Variants in REEP3 observed in about 807,000 individuals in gnomAD.
The protein encoded by REEP3 is receptor accessory protein 3, also known as receptor expression-enhancing protein 3.
Under a neutral mutation model 41.3 loss-of-function variants are expected in REEP3, and 20 were observed. That is an observed-to-expected ratio of 0.48 (90% CI 0.34 to 0.70). The LOEUF is 0.70. Among genes scored for constraint, REEP3 ranks in the 30% least tolerant of loss-of-function variants. The probability of loss-of-function intolerance (pLI) is 0.01; values close to 1 mark genes in which losing one functional copy is unlikely to be tolerated. For missense variants in REEP3, 271 were observed against 308.8 expected (o/e 0.88, Z 0.92); for synonymous variants, 104 against 101.8 (o/e 1.02, Z -0.13).
intron 1 of REEP3, among the ~76,000 whole-genome samples, chr10:63,553,257 G>T (rs1955646492): frequency 6.6e-6 from 1 of 152,124 alleles, no homozygotes; most frequent in Non-Finnish European, 1.5e-5. Context: ...GATGCTGGAG[G>T]TATTAGAGTG....
intron 2 of REEP3, among the ~76,000 whole-genome samples, chr10:63,578,009 A>C (rs547521683): frequency 6.6e-6 from 1 of 152,184 alleles, no homozygotes; most frequent in Admixed American, 6.5e-5. Flanking sequence ...TATTCAGTTT[A>C]CCATCTTTAC....
chr10:63,557,583 G>C (rs1955701130), intron 1 of REEP3, among the ~76,000 whole-genome samples: 1 of 152,128 alleles, frequency 6.6e-6, no homozygotes, highest in African/African-American at 2.4e-5. Context: ...AGGTGATTTT[G>C]ACGTGTTGCA....
At chr10:63,593,459 T>A (rs1477793648) in intron 2 of REEP3, among the ~76,000 whole-genome samples, 1 of 152,236 alleles carries the variant, frequency 6.6e-6, no homozygotes, top group Non-Finnish European at 1.5e-5. Flanking sequence ...CACTGTTTTC[T>A]TATCGATGAT....
chr10:63,562,874 A>G lies in REEP3; in HGVS notation c.33-3464A>G, dbSNP rs144611148. ...AATTCTGTCTCCCCAAACTTCATATATTGAAGTCCTAACCCCCTGCGCATC... is the reference window on the plus strand; with the variant it reads ...AATTCTGTCTCCCCAAACTTCATATGTTGAAGTCCTAACCCCCTGCGCATC... On this transcript the variant is annotated intron_variant, in intron 1 of 7. Coordinates refer to ENST00000373758, the MANE Select transcript of REEP3 (RefSeq NM_001001330.3). 1.3e-3 allele frequency: 569 copies of G among 454,176 alleles called. 6 individuals are homozygous for G. Among genetic ancestry groups the G allele is most frequent in the Non-Finnish European group, 1.7e-3 (382 of 225,722 alleles). The allele number at this position is 454,176 out of a possible 1,614,324, so 28.1% of individuals were successfully genotyped here. A position where few individuals can be genotyped will look rare whatever the true frequency, so the allele number is the denominator to read the frequency against.
rs1375827747 is a variant in REEP3 at position 63,621,947 on chromosome 10, T to C, written c.*1078T>C. ...TCTTCTGGCTGAGATAATTTGCCAA[T>C]GCAAAATACAGTTGTCATTAATCCT... On this transcript the variant is annotated 3_prime_UTR_variant, in exon 8 of 8. Transcript: ENST00000373758. 1 of 152,246 alleles carries C rather than the reference T, an allele frequency of 6.6e-6. No individual in the cohort carries two copies. Among genetic ancestry groups the C allele is most frequent in the Non-Finnish European group, 1.5e-5 (1 of 68,038 alleles). The allele number at this position is 152,246 out of a possible 1,614,324, so 9.4% of individuals were successfully genotyped here.
At chr10:63,609,068 T>C (rs1956255235) in intron 5 of REEP3, among the ~76,000 whole-genome samples, 1 of 152,230 alleles carries the variant, frequency 6.6e-6, no homozygotes, top group African/African-American at 2.4e-5. Flanking sequence ...ATTCTTTGGC[T>C]CTTACATGTT....
In REEP3 at chr10:63,622,532, A is replaced by C. The variant is rs536774515; in HGVS notation, c.*1663A>C. 2 of 152,104 alleles carry C rather than the reference A, an allele frequency of 1.3e-5. No homozygotes were observed. The highest frequency in any genetic ancestry group is 1.3e-4 in the Admixed American group (2 of 15,266). 9.4% of individuals were successfully genotyped at this position (152,104 alleles called of 1,614,324 possible). On this transcript the variant is annotated 3_prime_UTR_variant, in exon 8 of 8. Transcript: ENST00000373758. ...CTATTCCAAATTTCTATGAATTCTA[A>C]TTGTAAATTATCGGAACAGAGTTTT...
intron 7 of REEP3, 82 bp from the exon 8 acceptor site, chr10:63,620,731 C>G (rs988098801): frequency 1.2e-6 from 1 of 852,624 alleles, no homozygotes; most frequent in Non-Finnish European, 1.8e-6. Flanking sequence ...AAAAAAATTA[C>G]TATGATTATG....
chr10:63,550,733 G>A lies in REEP3; in HGVS notation c.33-15605G>A, dbSNP rs1351272196. Among the ~76,000 whole-genome samples the A allele has an allele frequency of 3.9e-5, 6 of 152,244 alleles. No individual in the cohort carries two copies. In the East Asian group the frequency reaches 1.2e-3, roughly 29 times the overall value. On this transcript the variant is annotated intron_variant, in intron 1 of 7. Coordinates refer to ENST00000373758, the MANE Select transcript of REEP3 (RefSeq NM_001001330.3). ...GGGCCCAATAAGCCACAAACCTAGA[G>A]CTCCAGGTTAAGGAAGGATAAGGAT...
intron 1 of REEP3, among the ~76,000 whole-genome samples, chr10:63,560,769 T>C (rs1403284056): frequency 6.6e-6 from 1 of 152,206 alleles, no homozygotes; most frequent in Non-Finnish European, 1.5e-5. Flanking sequence ...GGTGGCCCTG[T>C]AAAATATACT....
chr10:63,586,169 A>G (rs2133394135), intron 2 of REEP3, among the ~76,000 whole-genome samples: 1 of 152,282 alleles, frequency 6.6e-6, no homozygotes, highest in Non-Finnish European at 1.5e-5. Flanking sequence ...TCCAGCTTTA[A>G]ATATCCTCTA....
At chr10:63,570,866 G>C (rs1471029480) in intron 2 of REEP3, among the ~76,000 whole-genome samples, 2 of 152,142 alleles carry the variant, frequency 1.3e-5, no homozygotes, top group Non-Finnish European at 2.9e-5. Context: ...TGTAATCCCA[G>C]CACTTTGGGA....
intron 2 of REEP3, among the ~76,000 whole-genome samples, chr10:63,567,034 G>A (rs1305854883): frequency 2.6e-5 from 4 of 152,014 alleles, no homozygotes; most frequent in Non-Finnish European, 4.4e-5. Flanking sequence ...TTCATACTGT[G>A]TAATAGTAAA....
At chr10:63,545,262 G>T (rs1400303551) in intron 1 of REEP3, among the ~76,000 whole-genome samples, 1 of 152,114 alleles carries the variant, frequency 6.6e-6, no homozygotes, top group African/African-American at 2.4e-5. Context: ...CATCTCAAAT[G>T]TTTACCATTT....
chr10:63,574,595 A>G (rs1955881148), intron 2 of REEP3, among the ~76,000 whole-genome samples: 1 of 152,142 alleles, frequency 6.6e-6, no homozygotes, highest in South Asian at 2.1e-4. Context: ...TGTAAACACT[A>G]TTCACAGCTG....
intron 5 of REEP3, among the ~76,000 whole-genome samples, chr10:63,604,662 G>A (rs80349734): frequency 1.3e-5 from 2 of 152,068 alleles, no homozygotes; most frequent in African/African-American, 4.8e-5. Context: ...AAAAAAAAGG[G>A]AAGAATGTTT....
chr10:63,525,628 A>C (rs1208420295), intron 1 of REEP3, among the ~76,000 whole-genome samples: 1 of 152,164 alleles, frequency 6.6e-6, no homozygotes, highest in Non-Finnish European at 1.5e-5. Context: ...CACGTTGGCC[A>C]GGCTGGACTT....
At chr10:63,578,964 A>G (rs368306548) in intron 2 of REEP3, among the ~76,000 whole-genome samples, 1 of 150,542 alleles carries the variant, frequency 6.6e-6, no homozygotes, top group African/African-American at 2.4e-5. Flanking sequence ...TATATACAGC[A>G]TATCACTTCA....
chr10:63,594,813 C>T lies in REEP3; in HGVS notation c.141C>T (p.Leu47=). The T allele has an allele frequency of 6.2e-7, 1 of 1,612,608 alleles. No homozygotes were observed. The change falls in exon 3 of 8, where the codon CTC becomes CTT. Residue 47 remains leucine, a synonymous_variant. Transcript: ENST00000373758. ...RWMMYWIVFA[L]YTVIETVADQ... The stretch of plus-strand genomic sequence containing the variant: ...TGATGTACTGGATTGTTTTTGCTCT[C>T]TATACTGTGATTGAAACAGTAGCCG...
Sources: allele counts gnomAD v4.1 joint callset (sites outside exome capture counted in the v4.1 genomes callset), GRCh38; gene constraint gnomAD v4.1.1; transcripts MANE v1.5; gene names NCBI Gene and HGNC (gene_info 2026-07-23, HGNC 2026-07-21).